UBE3C: variants seen among roughly 807,000 people sequenced by gnomAD.
The protein encoded by UBE3C is ubiquitin-protein ligase E3C.
A neutral mutation model predicts 129.4 loss-of-function variants in UBE3C; 42 were observed. That is an observed-to-expected ratio of 0.32 (90% CI 0.25 to 0.42). UBE3C has a LOEUF of 0.42. Among genes scored for constraint, UBE3C ranks in the 10% least tolerant of loss-of-function variants. The pLI, the probability that UBE3C is intolerant of heterozygous loss-of-function variation, is 1.00. For missense variants in UBE3C, 1,049 were observed against 1,319.1 expected (o/e 0.80, Z 3.17); for synonymous variants, 510 against 492.4 (o/e 1.04, Z -0.47).
chr7:157,191,209 C>T (rs563917292), intron 10 of UBE3C, among the ~76,000 whole-genome samples: 13 of 152,314 alleles, frequency 8.5e-5, no homozygotes, highest in East Asian at 1.9e-4. Context: ...AGATAAACAG[C>T]GGTGCGCCTC....
chr7:157,175,485 T>C (rs1182535712), intron 5 of UBE3C, among the ~76,000 whole-genome samples: 1 of 152,226 alleles, frequency 6.6e-6, no homozygotes. Flanking sequence ...CGTGACTTTC[T>C]TGCATTCAGT....
At chr7:157,158,459 T>G (rs1807977877) in intron 1 of UBE3C, among the ~76,000 whole-genome samples, 1 of 152,138 alleles carries the variant, frequency 6.6e-6, no homozygotes, top group Admixed American at 6.5e-5. Flanking sequence ...ACTGCATCTG[T>G]GCGTTGTATT....
chr7:157,209,336 G>A (rs1809526347), intron 13 of UBE3C, among the ~76,000 whole-genome samples: 1 of 152,144 alleles, frequency 6.6e-6, no homozygotes, highest in Non-Finnish European at 1.5e-5. Context: ...CTAATGCATC[G>A]TTGAATTTAT....
At chr7:157,170,830 A>G (rs10251112) in intron 4 of UBE3C, among the ~76,000 whole-genome samples, 72,265 of 151,972 alleles carry the variant, frequency 0.48, 19,799 homozygotes, top group African/African-American at 0.77. Flanking sequence ...CTAAAATACA[A>G]GGTCTCAGTG....
intron 17 of UBE3C, among the ~76,000 whole-genome samples, chr7:157,228,885 G>A (rs1474016350): frequency 6.6e-6 from 1 of 152,194 alleles, no homozygotes; most frequent in Non-Finnish European, 1.5e-5. Flanking sequence ...CAAAATTACT[G>A]ACACGTGTAC....
In UBE3C at chr7:157,171,712, T is replaced by A. The variant is rs1480107870; in HGVS notation, c.342+1262T>A. Among the ~76,000 whole-genome samples the A allele has an allele frequency of 2.9e-4, 22 of 74,900 alleles. 1 individual carries two copies. Among genetic ancestry groups the A allele is most frequent in the South Asian group, 4.9e-4 (1 of 2,046 alleles). The allele number at this position is 74,900 out of a possible 152,430, so 49.1% of individuals were successfully genotyped here. ...TTTTTTTTTTTTTTTTTTTTTTTTT[T>A]TTTTTTTTTTTTGAGACAGAGTCTT... On this transcript the variant is annotated intron_variant, in intron 4 of 22. Transcript: ENST00000348165.
intron 18 of UBE3C, among the ~76,000 whole-genome samples, chr7:157,233,193 A>AG (rs1796068075): frequency 6.6e-6 from 1 of 151,884 alleles, no homozygotes; most frequent in Admixed American, 6.6e-5. Flanking sequence ...TCTTTGATTT[A>AG]GCATGTTTTC....
At chr7:157,206,727 G>A (rs1421087709) in intron 11 of UBE3C, among the ~76,000 whole-genome samples, 1 of 152,100 alleles carries the variant, frequency 6.6e-6, no homozygotes, top group East Asian at 1.9e-4. Context: ...TAACTAGGAA[G>A]GACTACAGGC....
rs571533742 is a variant in UBE3C, at chr7:157,202,097, CAT to C, written c.1418+293_1418+294del. ...CAGACATTTGGAAATTGCTTTGCTCCATATGACTTTACTCCTCTTTTCACAGT... is the reference window on the plus strand; with the variant it reads ...CAGACATTTGGAAATTGCTTTGCTCCATGACTTTACTCCTCTTTTCACAGT... On this transcript the variant is annotated intron_variant, in intron 11 of 22. Coordinates refer to ENST00000348165, the MANE Select transcript of UBE3C (RefSeq NM_014671.3). Among the ~76,000 whole-genome samples, 448 of 152,290 alleles carry C rather than the reference CAT, an allele frequency of 2.9e-3. 2 individuals are homozygous for C. The highest frequency in any genetic ancestry group is 0.01 in the African/African-American group (425 of 41,554).
At chr7:157,255,266 A>G (rs1050223300) in intron 21 of UBE3C, among the ~76,000 whole-genome samples, 16 of 152,248 alleles carry the variant, frequency 1.1e-4, no homozygotes, top group African/African-American at 3.9e-4. Context: ...AATGCCACTT[A>G]CATCCAAATG....
At chr7:157,256,761 T>A in intron 21 of UBE3C, 153 bp from the exon 22 acceptor site, 1 of 864,134 alleles carries the variant, frequency 1.2e-6, no homozygotes, top group Non-Finnish European at 1.8e-6. Context: ...GCACAGCACG[T>A]ACACAGGTGA....
intron 1 of UBE3C, among the ~76,000 whole-genome samples, chr7:157,147,630 A>G (rs1807643315): frequency 6.6e-6 from 1 of 152,130 alleles, no homozygotes; most frequent in Non-Finnish European, 1.5e-5. Context: ...TCTTAATCTT[A>G]GTGGGAAAGC....
At chr7:157,240,140 C>G (rs1053482015) in intron 18 of UBE3C, among the ~76,000 whole-genome samples, 7 of 152,166 alleles carry the variant, frequency 4.6e-5, no homozygotes, top group African/African-American at 1.7e-4. Context: ...ACTGCAACCT[C>G]TGCCTCCTGG....
intron 1 of UBE3C, among the ~76,000 whole-genome samples, chr7:157,143,605 G>A (rs1449836915): frequency 1.3e-5 from 2 of 152,174 alleles, no homozygotes; most frequent in African/African-American, 4.8e-5. Context: ...AGGAAAGTCT[G>A]ATTGGCCTGG....
intron 18 of UBE3C, among the ~76,000 whole-genome samples, chr7:157,239,094 T>C (rs1563070135): frequency 6.6e-6 from 1 of 152,198 alleles, no homozygotes; most frequent in Admixed American, 6.5e-5. Context: ...ATATTAAAGC[T>C]GAAAATATCC....
At chr7:157,202,473 A>G (rs919329772) in intron 11 of UBE3C, among the ~76,000 whole-genome samples, 2 of 152,178 alleles carry the variant, frequency 1.3e-5, no homozygotes, top group Non-Finnish European at 2.9e-5. Flanking sequence ...CCTGGCCAAC[A>G]TGGTGAAACC....
chr7:157,143,506 C>T lies in UBE3C; in HGVS notation c.66+4168C>T, dbSNP rs555896533. ...TTCTTCCTGTCTCCTTCATTCCTGGCTCTGCAGACTGGCTTTCTCCATTTC... is the reference window on the plus strand; with the variant it reads ...TTCTTCCTGTCTCCTTCATTCCTGGTTCTGCAGACTGGCTTTCTCCATTTC... On this transcript the variant is annotated intron_variant, in intron 1 of 22. Coordinates refer to ENST00000348165, the MANE Select transcript of UBE3C (RefSeq NM_014671.3). Among the ~76,000 whole-genome samples the T allele has an allele frequency of 2.3e-4, 35 of 152,324 alleles. No homozygotes were observed. In the East Asian group the frequency reaches 6.8e-3, roughly 29 times the overall value.
At chr7:157,188,155 GA>G (rs1237588324) in intron 10 of UBE3C, among the ~76,000 whole-genome samples, 4 of 152,218 alleles carry the variant, frequency 2.6e-5, no homozygotes, top group Non-Finnish European at 5.9e-5. Flanking sequence ...GGACCCAAGG[GA>G]CTGATGTTGC....
At chr7:157,265,993 C>T (rs187514980) in intron 22 of UBE3C, among the ~76,000 whole-genome samples, 9 of 152,278 alleles carry the variant, frequency 5.9e-5, no homozygotes, top group Admixed American at 4.6e-4. Context: ...GTTCTACCTC[C>T]CTCAATTTCG....
Sources: gnomAD v4.1 joint callset for allele counts (sites outside exome capture counted in the v4.1 genomes callset) on GRCh38, gnomAD v4.1.1 for gene constraint, MANE v1.5 for transcripts, NCBI Gene and HGNC (gene_info 2026-07-23, HGNC 2026-07-21) for gene names.